Variants in CARS2 observed in about 807,000 individuals in gnomAD.
The protein encoded by CARS2 is cysteinyl-tRNA synthetase 2, mitochondrial, also known as probable cysteine--tRNA ligase, mitochondrial.
Under a neutral mutation model 68.8 loss-of-function variants are expected in CARS2, and 52 were observed. The ratio of observed to expected loss-of-function variants is 0.76; its 90% confidence interval spans 0.61 to 0.95. The LOEUF (loss-of-function observed/expected upper bound fraction) is 0.95, where lower values mean the gene tolerates loss of function less well. Ranked by LOEUF, CARS2 falls within the 40% of genes least tolerant of loss-of-function variation. CARS2 has a pLI of 0.00. For synonymous variants in CARS2, 314 were observed against 303.6 expected (o/e 1.03, Z -0.36); for missense variants, 780 against 754.2 (o/e 1.03, Z -0.40).
At chr13:110,662,328 C>A (rs570727308) in intron 9 of CARS2, among the ~76,000 whole-genome samples, 30,422 of 149,196 alleles carry the variant, frequency 0.2, 3,518 homozygotes, top group Admixed American at 0.3. Flanking sequence ...TTCGGACCCC[C>A]TTCTGCGTCA....
chr13:110,699,673 A>C (rs1422082000), intron 3 of CARS2, among the ~76,000 whole-genome samples: 1 of 152,248 alleles, frequency 6.6e-6, no homozygotes, highest in Non-Finnish European at 1.5e-5. Flanking sequence ...TAGAGGAAGC[A>C]CCCGCAATGG....
chr13:110,651,728 G>C lies in CARS2; in HGVS notation c.988-628C>G, dbSNP rs185047214. Among the ~76,000 whole-genome samples the C allele has an allele frequency of 3.3e-5, 5 of 152,338 alleles. No individual in the cohort carries two copies. The East Asian group carries it at 5.8e-4, about 18-fold the overall frequency. On this transcript the variant is annotated intron_variant, in intron 9 of 14. Transcript: ENST00000257347. ...CCGGTATCCTCCTATAGATCAATTAGAAAACGTCTGTCCAGAAAGAAGTGG... is the reference window on the plus strand; with the variant it reads ...CCGGTATCCTCCTATAGATCAATTACAAAACGTCTGTCCAGAAAGAAGTGG...
rs749408803 is a variant in CARS2, at chr13:110,705,953, G to A, written c.141C>T (p.Gly47=). The change falls in exon 1 of 15, where the codon GGC becomes GGT. Residue 47 remains glycine (G), a synonymous_variant. Coordinates refer to ENST00000257347, the MANE Select transcript of CARS2 (RefSeq NM_024537.4). This position sits in a 1 kb window ranked among gnomAD's most constrained non-coding sequence, Gnocchi z 4.0. ...GRGRAWLQPT[G]RETGVQVYNS... The stretch of plus-strand genomic sequence containing the variant: ...TGTACACCTGCACACCCGTCTCCCG[G>A]CCCGTGGGCTGCAGCCAGGCCCGCC... The A allele has an allele frequency of 6.4e-7, 1 of 1,552,524 alleles. No homozygotes were observed. The highest frequency in any genetic ancestry group is 1.2e-5 in the South Asian group (1 of 84,498).
chr13:110,667,020 C>G (rs1005811479), intron 8 of CARS2: 41 of 867,920 alleles, frequency 4.7e-5, no homozygotes, highest in Non-Finnish European at 5.7e-5. Flanking sequence ...ATTATAGCTT[C>G]AGAAAGGATG....
At chr13:110,652,993 C>A (rs946932014) in intron 9 of CARS2, among the ~76,000 whole-genome samples, 18 of 152,206 alleles carry the variant, frequency 1.2e-4, no homozygotes, top group Non-Finnish European at 7.3e-5. Context: ...CCACAACTCA[C>A]ACGAGAGGAT....
At chr13:110,663,716 G>A (rs2062572284) in intron 8 of CARS2, 198 bp from the exon 9 acceptor site, 1 of 1,346,104 alleles carries the variant, frequency 7.4e-7, no homozygotes, top group African/African-American at 1.5e-5. Context: ...TTGTTCCACG[G>A]TGCAGGGACA....
At chr13:110,650,873 C>G (rs2296660) in intron 10 of CARS2, 161 bp downstream of exon 10, 27 of 593,600 alleles carry the variant, frequency 4.5e-5, no homozygotes, top group Middle Eastern at 9.0e-4. Context: ...TGGGATCCCT[C>G]GTCCTCTGGG....
chr13:110,657,884 T>C (rs2062410054), intron 9 of CARS2, among the ~76,000 whole-genome samples: 1 of 152,238 alleles, frequency 6.6e-6, no homozygotes, highest in African/African-American at 2.4e-5. Context: ...TAGGACAACC[T>C]GACCTTGCAG....
chr13:110,689,562 A>C (rs1334443456), intron 3 of CARS2, among the ~76,000 whole-genome samples: 1 of 152,210 alleles, frequency 6.6e-6, no homozygotes, highest in Non-Finnish European at 1.5e-5. Flanking sequence ...TCTTGGGCAA[A>C]TCAATAATCA....
intron 2 of CARS2, among the ~76,000 whole-genome samples, chr13:110,704,818 CTATAA>C (rs936844550): frequency 6.6e-6 from 1 of 151,952 alleles, no homozygotes; most frequent in African/African-American, 2.4e-5. Flanking sequence ...TTTAAAAAAT[CTATAA>C]TATGTCATTT....
intron 7 of CARS2, among the ~76,000 whole-genome samples, chr13:110,673,563 T>A (rs9521890): frequency 2.0e-5 from 3 of 151,966 alleles, no homozygotes; most frequent in South Asian, 2.1e-4. Context: ...GGGGCGTATC[T>A]CAAAATAATA....
Position 110,705,310 on chromosome 13 carries a change from T to A in CARS2, c.275+211A>T, listed in dbSNP as rs932262808. ...CGGGTCATTTTTCAGTGCTCCATTG[T>A]CTCCCTGAGTTTCCTCACCTGTAAA... is the stretch of plus-strand genomic sequence containing the variant. On this transcript the variant is annotated intron_variant, in intron 2 of 14. Transcript: ENST00000257347. This position sits in a 1 kb window ranked among gnomAD's most constrained non-coding sequence, Gnocchi z 4.0. 2.0e-5 allele frequency among the ~76,000 whole-genome samples: 3 copies of A among 152,162 alleles called. No individual in the cohort carries two copies. Among genetic ancestry groups the A allele is most frequent in the African/African-American group, 7.2e-5 (3 of 41,416 alleles).
chr13:110,669,339 T>C (rs2062738564), intron 7 of CARS2, among the ~76,000 whole-genome samples: 1 of 152,014 alleles, frequency 6.6e-6, no homozygotes, highest in South Asian at 2.1e-4. Context: ...GTGTGGGAGA[T>C]AATTATCTCC....
exon 1 of CARS2, chr13:110,713,477 C>A: frequency 4.0e-6 from 4 of 988,652 alleles, no homozygotes; most frequent in South Asian, 4.5e-5. Flanking sequence ...CACACCCCAG[C>A]GGCCCTGACG....
At chr13:110,713,464 G>T in exon 1 of CARS2, 1 of 990,372 alleles carries the variant, frequency 1.0e-6, no homozygotes. Context: ...CTCGCCCGCC[G>T]TCCACACCCC....
chr13:110,693,445 T>C (rs1427861365), intron 3 of CARS2, among the ~76,000 whole-genome samples: 8 of 152,042 alleles, frequency 5.3e-5, no homozygotes, highest in Admixed American at 1.3e-4. Flanking sequence ...CTGTAAGCTC[T>C]GCCACCCAGG....
At chr13:110,650,490 A>G (rs552861359) in intron 10 of CARS2, 1 of 152,518 alleles carries the variant, frequency 6.6e-6, no homozygotes, top group Non-Finnish European at 1.5e-5. Flanking sequence ...TCGGCCTCCC[A>G]AAGTGCTGGG....
chr13:110,712,414 C>T, intron 1 of CARS2: 1 of 187,982 alleles, frequency 5.3e-6, no homozygotes, highest in Non-Finnish European at 1.1e-5. Flanking sequence ...AGGGGACCCG[C>T]GGCGGCCGCA....
chr13:110,712,774 A>G (rs775374037), intron 1 of CARS2: 1 of 713,308 alleles, frequency 1.4e-6, no homozygotes, highest in South Asian at 1.5e-5. Context: ...GCGGGAAGAG[A>G]TAAGGCCTAG....
Sources: allele counts gnomAD v4.1 joint callset (sites outside exome capture counted in the v4.1 genomes callset), GRCh38; gene constraint gnomAD v4.1.1; non-coding constraint Gnocchi (gnomAD v3.1); transcripts MANE v1.5; gene names NCBI Gene and HGNC (gene_info 2026-07-23, HGNC 2026-07-21).